Variants in CDC42BPG observed in about 807,000 individuals in gnomAD.
CDC42BPG encodes CDC42 binding protein kinase gamma.
CDC42BPG carries 157 observed loss-of-function variants against 192.2 expected under a neutral mutation model. The ratio of observed to expected loss-of-function variants is 0.82; its 90% CI spans 0.72 to 0.93. The LOEUF (loss-of-function observed/expected upper bound fraction) is 0.93. Ranked by LOEUF, CDC42BPG falls within the 40% of genes least tolerant of loss-of-function variation. The pLI is 0.00. For synonymous variants in CDC42BPG, 981 were observed against 918.5 expected (o/e 1.07, Z -1.23); for missense variants, 1,992 against 2,122.1 (o/e 0.94, Z 1.20).
rs1000523292 is a variant in CDC42BPG, at chr11:64,823,276, T to A, written c.*1197A>T. The A allele has an allele frequency of 6.6e-6, 1 of 151,898 alleles. No individual in the cohort carries two copies. The highest frequency in any genetic ancestry group is 1.5e-5 in the Non-Finnish European group (1 of 67,978). The allele number at this position is 151,898 out of a possible 1,614,324, so 9.4% of individuals were successfully genotyped here. ...TAATTTTTTGTATTTTTAGTAGAGA[T>A]GGGGTTTCACCGTGTTAGCCAGGAT... is the stretch of plus-strand genomic sequence containing the variant. On this transcript the variant is annotated 3_prime_UTR_variant, in exon 37 of 37. Transcript: ENST00000342711.
chr11:64,832,918 G>C lies in CDC42BPG; in HGVS notation c.2773C>G (p.Pro925Ala). The C allele has an allele frequency of 1.3e-6, 2 of 1,544,684 alleles. No individual in the cohort carries two copies. The highest frequency in any genetic ancestry group is 1.4e-5 in the African/African-American group (1 of 72,854). Residue 925 changes from proline (P) to alanine (A), a missense_variant, in exon 25 of 37, where the codon CCA becomes GCA. Physicochemically the swap from Pro to Ala is conservative, Grantham distance 27. Transcript: ENST00000342711. ...AGGTCAGGGGGCACGGGGCAGGGTG[G>C]GGCCTGTGGGGCACAGGTTGTGTGA... The part of the protein sequence containing the change: ...FCHTTCAPQA[P>A]PCPVPPDLLR...
intron 36 of CDC42BPG, among the ~76,000 whole-genome samples, chr11:64,825,397 TG>T (rs1446475576): frequency 6.6e-6 from 1 of 151,506 alleles, no homozygotes. Flanking sequence ...GGGAGCGGGG[TG>T]GCAAAGGTGG....
intron 1 of CDC42BPG, among the ~76,000 whole-genome samples, chr11:64,842,813 G>A (rs1024513169): frequency 6.6e-6 from 1 of 152,188 alleles, no homozygotes; most frequent in Admixed American, 6.5e-5. Context: ...TCAGGATGGG[G>A]GGCAGCTGTG....
At chr11:64,828,917 G>A (rs1405458375) in intron 30 of CDC42BPG, among the ~76,000 whole-genome samples, 1 of 152,170 alleles carries the variant, frequency 6.6e-6, no homozygotes, top group African/African-American at 2.4e-5. Flanking sequence ...GGGTGTGGTG[G>A]CGTGCACCTG....
rs764478608 is a variant in CDC42BPG at position 64,844,444 on chromosome 11, C to G, written c.126G>C (p.Arg42=). 6.8e-7 allele frequency: 1 copy of G among 1,473,104 alleles called. No homozygotes were observed. 91.3% of individuals were successfully genotyped at this position (1,473,104 alleles called of 1,614,324 possible). The change falls in exon 1 of 37, where the codon CGG becomes CGC. Residue 42 remains arginine, a synonymous_variant. Coordinates refer to ENST00000342711, the MANE Select transcript of CDC42BPG (RefSeq NM_017525.3). The stretch of plus-strand genomic sequence containing the variant: ...GGAACTGCGCCACGCTGCGCTCCCG[C>G]CGTAGGGGGCCGCTGCTGAGCTCGT... ...LHHELSSGPL[R]RERSVAQFLS... is the part of the protein sequence containing the mutation.
Position 64,834,496 on chromosome 11 carries a change from T to C in CDC42BPG, c.2257A>G (p.Ile753Val). ...TCCTGCAGGCCCTGCTTGGCGCGGA[T>C]CTCGGCCTCCAGCGCTGACTGCAGC... ...LELQSALEAE[I>V]RAKQGLQERL... Residue 753 changes from isoleucine to valine, a missense_variant, in exon 19 of 37, where the codon ATC becomes GTC. Transcript: ENST00000342711. 6.3e-7 allele frequency: 1 copy of C among 1,576,222 alleles called. No homozygotes were observed. The highest frequency in any genetic ancestry group is 8.6e-7 in the Non-Finnish European group (1 of 1,160,972).
rs1943154014 is a variant in CDC42BPG at position 64,839,023 on chromosome 11, G to A, written c.876+10C>T. 1 of 1,613,488 alleles carries A rather than the reference G, an allele frequency of 6.2e-7. No homozygotes were observed. The highest frequency in any genetic ancestry group is 8.5e-7 in the Non-Finnish European group (1 of 1,179,990). ...GCCCCCTCTGGAAGCCCAGAGCCTGGTGTCCAGACCTCGTGGTTCATGATC... is the reference window on the plus strand; with the variant it reads ...GCCCCCTCTGGAAGCCCAGAGCCTGATGTCCAGACCTCGTGGTTCATGATC... On this transcript the variant is annotated intron_variant, in intron 7 of 36. Coordinates refer to ENST00000342711, the MANE Select transcript of CDC42BPG (RefSeq NM_017525.3).
At position 64,836,242 on chromosome 11, in the gene CDC42BPG, C is replaced by T; in HGVS notation, c.1543G>A (p.Ala515Thr). The T allele has an allele frequency of 6.2e-7, 1 of 1,601,060 alleles. No homozygotes were observed. The highest frequency in any genetic ancestry group is 1.7e-4 in the Middle Eastern group (1 of 5,942). ...AGCAGCTCCTCCTGCTGCCCCTGGG[C>T]CCTGCAGAGCTCCTGCTCCTGAGCC... ...LQAQEQELCR[A>T]QGQQEELLQR... Residue 515 changes from alanine (A) to threonine (T), a missense_variant, in exon 13 of 37, where the codon GCC becomes ACC. By Grantham distance (58) the Ala-to-Thr change is moderately conservative. This residue lies in a region of CDC42BPG where 1,656 missense variants were observed against 1,844.3 expected (regional missense o/e 0.90). Transcript: ENST00000342711.
At chr11:64,834,780 G>A in intron 18 of CDC42BPG, 69 bp downstream of exon 18, 2 of 1,462,818 alleles carry the variant, frequency 1.4e-6, no homozygotes, top group South Asian at 1.2e-5. Context: ...TTCAGTAGCA[G>A]GGATGCTGAG....
intron 36 of CDC42BPG, 81 bp downstream of exon 36, chr11:64,826,389 G>A: frequency 2.1e-6 from 2 of 958,476 alleles, no homozygotes; most frequent in South Asian, 1.4e-5. Context: ...CCCTAGCCTA[G>A]GTCACTGTGC....
rs1942306784 is a variant in CDC42BPG, at chr11:64,823,079, C to T, written c.*1394G>A. 8.1e-6 allele frequency among the ~76,000 whole-genome samples: 1 copy of T among 123,066 alleles called. No individual in the cohort carries two copies. The highest frequency in any genetic ancestry group is 2.0e-5 in the Non-Finnish European group (1 of 50,734). 80.7% of individuals were successfully genotyped at this position (123,066 alleles called of 152,430 possible). ...TTACAAAGCTGTCTTTATTGGTTTC[C>T]TTTTCTTTTCTTTTTTTTTTTTTTT... On this transcript the variant is annotated 3_prime_UTR_variant, in exon 37 of 37. Transcript: ENST00000342711.
At chr11:64,832,046 A>C (rs1446975375) in intron 27 of CDC42BPG, among the ~76,000 whole-genome samples, 1 of 152,252 alleles carries the variant, frequency 6.6e-6, no homozygotes, top group Non-Finnish European at 1.5e-5. Flanking sequence ...GCTGGGCTCC[A>C]GTGCAGGGCC....
rs529951180 is a variant in CDC42BPG, at chr11:64,841,412, G to A, written c.336+238C>T. On this transcript the variant is annotated intron_variant, in intron 3 of 36. Transcript: ENST00000342711. Reference sequence around the variant, plus strand: ...GGTTGCAGTGAGCCAAGATAGCACCGTTGAACTCCAGCCTAGTTGACAGAG... The same window carrying A: ...GGTTGCAGTGAGCCAAGATAGCACCATTGAACTCCAGCCTAGTTGACAGAG... Among the ~76,000 whole-genome samples the A allele has an allele frequency of 4.2e-3, 626 of 150,086 alleles. 2 individuals carry two copies. Among genetic ancestry groups the A allele is most frequent in the Non-Finnish European group, 7.1e-3 (483 of 67,690 alleles).
At chr11:64,828,804 C>G (rs1388287201) in intron 30 of CDC42BPG, among the ~76,000 whole-genome samples, 2 of 152,220 alleles carry the variant, frequency 1.3e-5, no homozygotes, top group African/African-American at 4.8e-5. Flanking sequence ...GTAATCCCAG[C>G]ACTTTGGGAG....
chr11:64,825,358 C>T (rs1942377056), intron 36 of CDC42BPG, among the ~76,000 whole-genome samples: 1 of 152,168 alleles, frequency 6.6e-6, no homozygotes, highest in African/African-American at 2.4e-5. Context: ...AAACCCACAG[C>T]ACAGCAGAAG....
At chr11:64,828,932 C>A (rs952882352) in intron 30 of CDC42BPG, among the ~76,000 whole-genome samples, 2 of 152,132 alleles carry the variant, frequency 1.3e-5, no homozygotes, top group African/African-American at 2.4e-5. Flanking sequence ...CACCTGTAGT[C>A]CCAGCTACTA....
intron 8 of CDC42BPG, 61 bp downstream of exon 8, chr11:64,838,593 G>C: frequency 6.3e-7 from 1 of 1,593,710 alleles, no homozygotes; most frequent in East Asian, 2.2e-5. Context: ...CAGAGGGAGG[G>C]TTCCCCCAGC....
rs748303529 is a variant in CDC42BPG, at chr11:64,840,204, C to A, written c.497G>T (p.Arg166Leu). 1 of 1,613,074 alleles carries A rather than the reference C, an allele frequency of 6.2e-7. No individual in the cohort carries two copies. The highest frequency in any genetic ancestry group is 8.5e-7 in the Non-Finnish European group (1 of 1,179,990). The change falls in exon 5 of 37, where the codon CGT (arginine) becomes CTT (leucine). Residue 166 changes from arginine (R) to leucine (L), a missense_variant. Around this residue, in one of 2 missense-constraint regions of CDC42BPG, gnomAD observed 1,656 missense variants for 1,844.3 expected, o/e 0.90. Transcript: ENST00000342711. ...GAACTGGGCCAGCTCGGGCGGGAGA[C>A]GGTCCTCGAAGCGGCTCAGCAGCGT... ...LLTLLSRFED[R>L]LPPELAQFYL...
Position 64,839,085 on chromosome 11 carries a change from G to T in CDC42BPG, c.824C>A (p.Pro275His). ...CAYELLFGET[P>H]FYAESLVETY... The stretch of plus-strand genomic sequence containing the variant: ...TTCCACCAAGGACTCAGCATAGAAG[G>T]GCGTCTCCCCAAAGAGCAGCTCATA... The change falls in exon 7 of 37, where the codon CCC (proline) becomes CAC (histidine). Residue 275 changes from proline to histidine, a missense_variant. Transcript: ENST00000342711. The T allele has an allele frequency of 4.3e-6, 7 of 1,613,654 alleles. No homozygotes were observed. Among genetic ancestry groups the T allele is most frequent in the Non-Finnish European group, 5.9e-6 (7 of 1,180,032 alleles).
Sources: gnomAD v4.1 joint callset for allele counts (sites outside exome capture counted in the v4.1 genomes callset) on GRCh38, gnomAD v4.1.1 for gene constraint, gnomAD v4.1.1 regional missense constraint, MANE v1.5 for transcripts, NCBI Gene and HGNC (gene_info 2026-07-23, HGNC 2026-07-21) for gene names.